The following SVIL variants were observed in gnomAD, a reference collection of about 807,000 sequenced individuals.
SVIL encodes the protein supervillin, also known as archvillin.
In SVIL, 101 loss-of-function variants were observed where a neutral mutation model predicts 240.4. The ratio of observed to expected loss-of-function variants is 0.42; its 90% confidence interval spans 0.36 to 0.50. SVIL has a LOEUF of 0.50. Ranked by LOEUF, SVIL falls within the 20% of genes least tolerant of loss-of-function variation. The pLI is 0.01. For synonymous variants in SVIL, 999 were observed against 1,100.0 expected, an observed-to-expected ratio of 0.91 and a Z score of 1.82; for missense variants, 2,512 against 2,818.7, an observed-to-expected ratio of 0.89 and a Z score of 2.46.
At chr10:29,570,205 A>G (rs1432313072) in intron 1 of SVIL, among the ~76,000 whole-genome samples, 1 of 152,220 alleles carries the variant, frequency 6.6e-6, no homozygotes, top group Non-Finnish European at 1.5e-5. Context: ...AATACAATAA[A>G]ATGAAAGGTA....
At chr10:29,509,743 G>A (rs1451408572) in intron 17 of SVIL, among the ~76,000 whole-genome samples, 3 of 152,106 alleles carry the variant, frequency 2.0e-5, no homozygotes, top group African/African-American at 7.2e-5. Context: ...GCAGCTACTC[G>A]GGAGGCTGAG....
chr10:29,541,522 G>A (rs1368512225), intron 6 of SVIL, among the ~76,000 whole-genome samples: 1 of 152,168 alleles, frequency 6.6e-6, no homozygotes, highest in Admixed American at 6.5e-5. Context: ...TTTTCTGGGG[G>A]CAGAAGCAGG....
chr10:29,676,308 A>G (rs984004099), intron 2 of SVIL, among the ~76,000 whole-genome samples: 2 of 152,130 alleles, frequency 1.3e-5, no homozygotes, highest in Non-Finnish European at 2.9e-5. Flanking sequence ...TTTTGGTAAC[A>G]TTACCTCTCA....
rs79031084 is a variant in SVIL, at chr10:29,609,900, G to A, written c.-201+24520C>T. 1.3e-4 allele frequency among the ~76,000 whole-genome samples: 20 copies of A among 152,336 alleles called. No individual in the cohort carries two copies. The East Asian group carries it at 3.7e-3, about 28-fold the overall frequency. On this transcript the variant is annotated intron_variant, in intron 1 of 37. Coordinates refer to ENST00000355867, the MANE Select transcript of SVIL (RefSeq NM_021738.3). The stretch of plus-strand genomic sequence containing the variant: ...CAAGCTGAGCACATCTTACTGGGCT[G>A]AGTGGACAGAACAAGTCCAGCAGGC...
intron 1 of SVIL, among the ~76,000 whole-genome samples, chr10:29,592,383 C>G (rs184698590): frequency 2.6e-5 from 4 of 152,324 alleles, no homozygotes; most frequent in Non-Finnish European, 4.4e-5. Context: ...AAAGCCTCTT[C>G]GATATTTCAC....
intron 1 of SVIL, among the ~76,000 whole-genome samples, chr10:29,590,282 C>T (rs542606890): frequency 2.4e-4 from 37 of 152,114 alleles, no homozygotes; most frequent in South Asian, 4.2e-4. Context: ...CCCGTGGCTC[C>T]CCAATTAAGT....
chr10:29,546,422 T>G (rs577144039), intron 6 of SVIL, among the ~76,000 whole-genome samples: 1 of 152,240 alleles, frequency 6.6e-6, no homozygotes. Flanking sequence ...TCTAACAGGA[T>G]TTCTGAGTTA....
At chr10:29,494,146 T>G (rs1206141856) in intron 20 of SVIL, among the ~76,000 whole-genome samples, 2 of 151,756 alleles carry the variant, frequency 1.3e-5, no homozygotes, top group Non-Finnish European at 2.9e-5. Flanking sequence ...TTAGCCTGGG[T>G]GACAGAGCAA....
Position 29,530,591 on chromosome 10 carries a change from C to T in SVIL, c.2106+16G>A, listed in dbSNP as rs367560027. ...CCCAGTAGGGATCTCTATTCAAGCA[C>T]GTCAGCACAGCTTACCCTGAAAAGC... On this transcript the variant is annotated intron_variant, in intron 11 of 37. Coordinates refer to ENST00000355867, the MANE Select transcript of SVIL (RefSeq NM_021738.3). The T allele has an allele frequency of 7.4e-5, 120 of 1,614,002 alleles. 2 individuals are homozygous for T. In the East Asian group the frequency reaches 1.6e-3, roughly 22 times the overall value.
At chr10:29,552,709 C>A (rs1953491099) in intron 5 of SVIL, among the ~76,000 whole-genome samples, 1 of 152,148 alleles carries the variant, frequency 6.6e-6, no homozygotes, top group East Asian at 1.9e-4. Context: ...ATTAAATATT[C>A]ATGTATCTTT....
In SVIL at chr10:29,707,119, G is replaced by A. The variant is rs180994776; in HGVS notation, c.-399-20468C>T. Among the ~76,000 whole-genome samples the A allele has an allele frequency of 1.2e-4, 19 of 152,116 alleles. No homozygotes were observed. The East Asian group carries it at 3.1e-3, about 25-fold the overall frequency. On this transcript the variant is annotated intron_variant, in intron 1 of 35. Coordinates refer to the SVIL transcript ENST00000375400. ...TTGCTTAGGATTATCTTGCCTATAC[G>A]GGCTCTTTTTTGGTTCCATGTAAAA...
At chr10:29,684,569 T>C (rs1331878913) in intron 2 of SVIL, among the ~76,000 whole-genome samples, 2 of 152,100 alleles carry the variant, frequency 1.3e-5, no homozygotes, top group African/African-American at 2.4e-5. Context: ...TGGGTTAATA[T>C]GGGGGTTGTG....
chr10:29,575,623 A>C (rs375474627), intron 1 of SVIL, among the ~76,000 whole-genome samples: 46 of 152,346 alleles, frequency 3.0e-4, no homozygotes, highest in African/African-American at 1.1e-3. Context: ...TGGATGATTT[A>C]GTAAGCCCTA....
Position 29,698,240 on chromosome 10 carries a change from A to G in SVIL, c.-399-11589T>C. The G allele has an allele frequency of 4.6e-6, 3 of 645,500 alleles. 1 individual carries two copies. The highest frequency in any genetic ancestry group is 5.7e-5 in the Admixed American group (2 of 34,928). 40.0% of individuals were successfully genotyped at this position (645,500 alleles called of 1,614,324 possible). Reference sequence around the variant, plus strand: ...GTCCTTACTTTCTAACATCTTTCTGATAACATTATTATGTTGCCTTCTTGT... The same window carrying G: ...GTCCTTACTTTCTAACATCTTTCTGGTAACATTATTATGTTGCCTTCTTGT... On this transcript the variant is annotated intron_variant, in intron 1 of 35. Coordinates refer to the SVIL transcript ENST00000375400.
chr10:29,540,453 C>T (rs1415879619), intron 6 of SVIL, among the ~76,000 whole-genome samples: 1 of 152,180 alleles, frequency 6.6e-6, no homozygotes, highest in African/African-American at 2.4e-5. Flanking sequence ...GAGGTCTTCT[C>T]GTCTCCATTT....
intron 6 of SVIL, among the ~76,000 whole-genome samples, chr10:29,541,409 C>T (rs759564997): frequency 1.3e-5 from 2 of 152,178 alleles, no homozygotes; most frequent in African/African-American, 2.4e-5. Flanking sequence ...CACCAAGCTG[C>T]ATCCTTAAAA....
chr10:29,653,191 G>A (rs374211468), intron 3 of SVIL, among the ~76,000 whole-genome samples: 14 of 152,218 alleles, frequency 9.2e-5, no homozygotes, highest in African/African-American at 2.9e-4. Flanking sequence ...CCCCAATGTT[G>A]GAGGACAGGC....
chr10:29,581,369 C>A (rs1037308129), intron 1 of SVIL, among the ~76,000 whole-genome samples: 2 of 152,182 alleles, frequency 1.3e-5, no homozygotes, highest in Non-Finnish European at 2.9e-5. Context: ...TAATTCTCCT[C>A]CTGCGTGCAC....
chr10:29,571,955 C>T (rs1319496131), intron 1 of SVIL, among the ~76,000 whole-genome samples: 15 of 152,080 alleles, frequency 9.9e-5, no homozygotes, highest in Non-Finnish European at 8.8e-5. Flanking sequence ...CTGAGTTACT[C>T]TTTGTATCTT....
Sources: gnomAD v4.1 joint callset for allele counts (sites outside exome capture counted in the v4.1 genomes callset) on GRCh38, gnomAD v4.1.1 for gene constraint, MANE v1.5 for transcripts, NCBI Gene and HGNC (gene_info 2026-07-23, HGNC 2026-07-21) for gene names.